The following SUCO variants were observed in gnomAD, a reference collection of about 807,000 sequenced individuals.
The protein encoded by SUCO is SUN domain-containing ossification factor.
SUCO carries 57 observed loss-of-function variants against 148.1 expected under a neutral mutation model. The observed-to-expected ratio is 0.38, with a 90% CI of 0.31 to 0.48. The LOEUF is 0.48. Ranked by LOEUF, SUCO falls within the 20% of genes least tolerant of loss-of-function variation. SUCO has a pLI of 0.96. For missense variants in SUCO, 1,331 were observed against 1,468.2 expected, an observed-to-expected ratio of 0.91 and a Z score of 1.53; for synonymous variants, 470 against 502.7, an observed-to-expected ratio of 0.93 and a Z score of 0.87.
chr1:172,572,326 C>T (rs1005467584), intron 9 of SUCO, among the ~76,000 whole-genome samples: 14 of 151,796 alleles, frequency 9.2e-5, no homozygotes, highest in African/African-American at 2.7e-4. Context: ...GAGGTAGACA[C>T]GGGAGACTTT....
intron 6 of SUCO, among the ~76,000 whole-genome samples, chr1:172,558,510 A>G (rs1424497733): frequency 1.3e-5 from 2 of 151,446 alleles, no homozygotes; most frequent in Non-Finnish European, 2.9e-5. Context: ...TACCACATCC[A>G]TATTTATTCC....
At chr1:172,586,818 A>C (rs1416554621) in intron 17 of SUCO, among the ~76,000 whole-genome samples, 1 of 152,188 alleles carries the variant, frequency 6.6e-6, no homozygotes, top group Non-Finnish European at 1.5e-5. Flanking sequence ...TTTGAAAGGC[A>C]TAGTGAGAAA....
chr1:172,557,081 A>G (rs1443906840), intron 4 of SUCO, 199 bp from the exon 5 acceptor site: 1 of 979,454 alleles, frequency 1.0e-6, no homozygotes, highest in East Asian at 1.1e-4. Context: ...TGAAAGACCA[A>G]ATATTAACCT....
intron 15 of SUCO, 148 bp from the exon 16 acceptor site, chr1:172,584,870 A>G (rs1026750324): frequency 2.2e-5 from 11 of 509,310 alleles, no homozygotes; most frequent in Non-Finnish European, 2.4e-5. Flanking sequence ...TTTGTGTCCT[A>G]TATTGGACTT....
intron 6 of SUCO, among the ~76,000 whole-genome samples, chr1:172,562,414 A>G (rs1033532267): frequency 6.6e-6 from 1 of 150,426 alleles, no homozygotes; most frequent in African/African-American, 2.5e-5. Flanking sequence ...GCTCACTGCA[A>G]CCTCCGCCTC....
chr1:172,599,946 C>T, intron 19 of SUCO, 118 bp from the exon 20 acceptor site: 1 of 675,628 alleles, frequency 1.5e-6, no homozygotes, highest in South Asian at 2.3e-5. Context: ...ATTGAGATTC[C>T]TATTAATACA....
At chr1:172,598,191 A>T (rs953509271) in intron 19 of SUCO, among the ~76,000 whole-genome samples, 1 of 152,194 alleles carries the variant, frequency 6.6e-6, no homozygotes, top group Non-Finnish European at 1.5e-5. Flanking sequence ...TTCTAGAATC[A>T]TTCGTTGGAA....
chr1:172,587,987 G>A, intron 17 of SUCO: 1 of 652,522 alleles, frequency 1.5e-6, no homozygotes, highest in Non-Finnish European at 1.9e-6. Flanking sequence ...CCTCAAAATG[G>A]GATAGAATAT....
intron 6 of SUCO, among the ~76,000 whole-genome samples, chr1:172,560,436 A>C (rs180684034): frequency 6.6e-6 from 1 of 152,232 alleles, no homozygotes; most frequent in Non-Finnish European, 1.5e-5. Context: ...TACCTTGTTC[A>C]GCTAGTAAAT....
At chr1:172,553,563 A>G (rs879660713) in intron 3 of SUCO, among the ~76,000 whole-genome samples, 193 bp downstream of exon 3, 9 of 152,112 alleles carry the variant, frequency 5.9e-5, no homozygotes, top group Non-Finnish European at 7.4e-5. Flanking sequence ...ATAATAATAA[A>G]TGTGACTAGT....
Position 172,589,546 on chromosome 1 carries a change from A to G in SUCO, c.2445A>G (p.Gln815=), listed in dbSNP as rs747271179. Residue 815 remains glutamine (Q), a synonymous_variant, in exon 18 of 24, where the codon CAA becomes CAG. Coordinates refer to ENST00000263688, the MANE Select transcript of SUCO (RefSeq NM_014283.5). ...NIIKEDVNSM[Q]IFTKLSETIV... ...TAAAAGAAGATGTGAACTCCATGCA[A>G]ATTTTCACAAAGCTGTCTGAAACAA... 3 of 1,613,820 alleles carry G rather than the reference A, an allele frequency of 1.9e-6. No homozygotes were observed. The South Asian group carries it at 3.3e-5, about 18-fold the overall frequency.
chr1:172,585,014 T>C lies in SUCO; in HGVS notation c.1499-4T>C, dbSNP rs765025528. The stretch of plus-strand genomic sequence containing the variant: ...GTACTTTTTCTGATTGAATTTTGTT[T>C]TAGATGCCATTCTAAATATGGTGAA... On this transcript the variant is annotated splice_polypyrimidine_tract_variant and splice_region_variant and intron_variant, in intron 15 of 23. Transcript: ENST00000263688. 34 of 1,592,540 alleles carry C rather than the reference T, an allele frequency of 2.1e-5. No individual in the cohort carries two copies. The Admixed American group carries it at 5.3e-4, about 25-fold the overall frequency.
At chr1:172,536,489 A>G (rs1390164232) in intron 1 of SUCO, among the ~76,000 whole-genome samples, 1 of 152,174 alleles carries the variant, frequency 6.6e-6, no homozygotes, top group Non-Finnish European at 1.5e-5. Context: ...ACATTATTCA[A>G]CCACATTTTG....
At chr1:172,533,019 C>A (rs1651706274), upstream of SUCO, 2 of 1,426,286 alleles carry the variant, frequency 1.4e-6, no homozygotes, top group Non-Finnish European at 1.8e-6. Flanking sequence ...ACTTGGGTGA[C>A]GCGTCCCTTT....
chr1:172,589,263 T>A lies in SUCO; in HGVS notation c.2162T>A (p.Leu721His). The A allele has an allele frequency of 1.2e-6, 2 of 1,613,904 alleles. No individual in the cohort carries two copies. The highest frequency in any genetic ancestry group is 4.5e-5 in the East Asian group (2 of 44,876). The change falls in exon 18 of 24, where the codon CTT becomes CAT. Residue 721 changes from leucine to histidine, a missense_variant. Transcript: ENST00000263688. ...LVNHTVDAVE[L>H]EPSHSQTLSQ... ...AATCACACTGTAGATGCAGTTGAAC[T>A]TGAACCAAGCCATTCTCAAACTCTT...
chr1:172,532,626 A>C (rs377079696), upstream of SUCO: 112 of 1,613,934 alleles, frequency 6.9e-5, 2 homozygotes, highest in East Asian at 7.3e-4. Flanking sequence ...AAAAGAGGAA[A>C]ACAGTGCAAC....
At chr1:172,584,983 T>C (rs976747592) in intron 15 of SUCO, 35 bp from the exon 16 acceptor site, 2 of 1,291,066 alleles carry the variant, frequency 1.5e-6, no homozygotes, top group African/African-American at 3.0e-5. Context: ...AATATTTAGG[T>C]ATTTGGTACT....
chr1:172,564,335 A>G (rs191995428), intron 6 of SUCO, among the ~76,000 whole-genome samples: 6 of 152,326 alleles, frequency 3.9e-5, no homozygotes, highest in African/African-American at 9.6e-5. Context: ...AGTAGCAGGC[A>G]CTCAACACCA....
rs1420644367 is a variant in SUCO at position 172,610,041 on chromosome 1, G to A, written c.3547G>A (p.Ala1183Thr). ...AGAGTCCTATTTTTGTGGCATTTCAGCTTGCACAAGTCTGTGCAATGGACA... is the reference window on the plus strand; with the variant it reads ...AGAGTCCTATTTTTGTGGCATTTCAACTTGCACAAGTCTGTGCAATGGACA... The part of the protein sequence containing the change: ...SEESYFCGIS[A>T]CTSLCNGQSQ... Residue 1183 changes from alanine (A) to threonine (T), a missense_variant, in exon 24 of 24, where the codon GCT becomes ACT. By Grantham distance (58) the Ala-to-Thr change is moderately conservative. Coordinates refer to ENST00000263688, the MANE Select transcript of SUCO (RefSeq NM_014283.5). 1 of 1,613,794 alleles carries A rather than the reference G, an allele frequency of 6.2e-7. No homozygotes were observed. The highest frequency in any genetic ancestry group is 2.2e-5 in the East Asian group (1 of 44,892).
Sources: allele counts gnomAD v4.1 joint callset (sites outside exome capture counted in the v4.1 genomes callset), GRCh38; gene constraint gnomAD v4.1.1; transcripts MANE v1.5; gene names NCBI Gene and HGNC (gene_info 2026-07-23, HGNC 2026-07-21).